Variants in ADGRL2 observed in about 807,000 individuals in gnomAD.
ADGRL2 encodes the protein adhesion G protein-coupled receptor L2, also known as calcium-independent alpha-latrotoxin receptor 2.
A neutral mutation model predicts 157.4 loss-of-function variants in ADGRL2; 44 were observed. The observed-to-expected ratio is 0.28, with a 90% CI of 0.22 to 0.36. The LOEUF (loss-of-function observed/expected upper bound fraction) is 0.36. Ranked by LOEUF, ADGRL2 falls within the 10% of genes least tolerant of loss-of-function variation. ADGRL2 has a pLI of 1.00. For missense variants in ADGRL2, 1,510 were observed against 1,768.9 expected (o/e 0.85, Z 2.63); for synonymous variants, 585 against 624.7 (o/e 0.94, Z 0.95).
At chr1:81,896,496 C>T (rs1282719783) in intron 2 of ADGRL2, among the ~76,000 whole-genome samples, 6 of 151,976 alleles carry the variant, frequency 3.9e-5, no homozygotes, top group African/African-American at 9.7e-5. Context: ...TATTCTTTAT[C>T]TCTTGATATC....
intron 2 of ADGRL2, among the ~76,000 whole-genome samples, chr1:81,561,860 C>A (rs2080450787): frequency 6.6e-6 from 1 of 152,052 alleles, no homozygotes; most frequent in South Asian, 2.1e-4. Context: ...CTAAAATGAG[C>A]AAAGAACAAA....
chr1:81,611,958 G>A (rs1450789713), intron 3 of ADGRL2, among the ~76,000 whole-genome samples: 1 of 152,050 alleles, frequency 6.6e-6, no homozygotes, highest in Non-Finnish European at 1.5e-5. Flanking sequence ...TCTCTTGTCT[G>A]CTGCCATATA....
chr1:81,459,798 ATATG>A (rs1218908854), intron 2 of ADGRL2, among the ~76,000 whole-genome samples: 17 of 130,134 alleles, frequency 1.3e-4, no homozygotes, highest in East Asian at 4.6e-4. Flanking sequence ...GTATATATAT[ATATG>A]TATGTGTTTG....
At chr1:81,722,047 C>T in intron 1 of ADGRL2, 1 of 408,224 alleles carries the variant, frequency 2.4e-6, no homozygotes, top group South Asian at 2.0e-5. Context: ...TATCGCAGCA[C>T]TTTGGGAGGC....
chr1:81,773,614 GA>G (rs2086462233), intron 2 of ADGRL2, among the ~76,000 whole-genome samples: 1 of 152,102 alleles, frequency 6.6e-6, no homozygotes, highest in Non-Finnish European at 1.5e-5. Flanking sequence ...GCCCTTCCTG[GA>G]TATAATATTA....
chr1:81,831,425 T>G (rs2091937085), intron 1 of ADGRL2, among the ~76,000 whole-genome samples: 1 of 152,188 alleles, frequency 6.6e-6, no homozygotes, highest in African/African-American at 2.4e-5. Context: ...TGGTGTTTCC[T>G]CACTTTTGTA....
chr1:81,762,240 C>T (rs1054676536), intron 2 of ADGRL2, among the ~76,000 whole-genome samples: 3 of 152,038 alleles, frequency 2.0e-5, no homozygotes, highest in Non-Finnish European at 2.9e-5. Flanking sequence ...TGGTAAGAGT[C>T]CTTTGGAATT....
At chr1:81,351,765 T>G (rs2100837914) in intron 1 of ADGRL2, among the ~76,000 whole-genome samples, 1 of 152,334 alleles carries the variant, frequency 6.6e-6, no homozygotes, top group East Asian at 1.9e-4. Context: ...GCATTCCTGT[T>G]AGCGACTGTA....
At chr1:81,620,236 G>C (rs1336221085) in intron 3 of ADGRL2, among the ~76,000 whole-genome samples, 2 of 152,124 alleles carry the variant, frequency 1.3e-5, no homozygotes, top group Non-Finnish European at 2.9e-5. Context: ...CATGGGTACA[G>C]TAGGTACATC....
chr1:81,419,542 T>G (rs1463022624), intron 1 of ADGRL2, among the ~76,000 whole-genome samples: 1 of 152,202 alleles, frequency 6.6e-6, no homozygotes, highest in Admixed American at 6.5e-5. Flanking sequence ...AGTTGCCTAA[T>G]TATAAATATT....
chr1:81,878,972 A>C (rs1377019824), intron 2 of ADGRL2, among the ~76,000 whole-genome samples: 3 of 152,222 alleles, frequency 2.0e-5, no homozygotes, highest in Non-Finnish European at 4.4e-5. Context: ...ACTTCCCCCA[A>C]AACATTTAAA....
chr1:81,943,271 T>C lies in ADGRL2; in HGVS notation c.712T>C (p.Leu238=), dbSNP rs773817244. ...ERTRNIVKFD[L]RTRIKSGEAI... ...AACGAGGAATATTGTGAAATTTGACTTGAGGACTAGAATTAAGAGTGGCGA... is the reference window on the plus strand; with the variant it reads ...AACGAGGAATATTGTGAAATTTGACCTGAGGACTAGAATTAAGAGTGGCGA... Residue 238 remains leucine (L), a synonymous_variant, in exon 6 of 24, where the codon TTG becomes CTG. Transcript: ENST00000686636. The surrounding 1 kb of genome is among the most constrained non-coding windows in gnomAD (Gnocchi z 5.6). The C allele has an allele frequency of 1.2e-5, 20 of 1,613,548 alleles. No individual in the cohort carries two copies. Among genetic ancestry groups the C allele is most frequent in the African/African-American group, 4.0e-5 (3 of 74,886 alleles).
chr1:81,545,312 A>C (rs1258855247), intron 2 of ADGRL2, among the ~76,000 whole-genome samples: 1 of 147,120 alleles, frequency 6.8e-6, no homozygotes, highest in Non-Finnish European at 1.5e-5. Context: ...TTTGAGACTG[A>C]TTCTCACTCT....
rs1044708088 is a variant in ADGRL2 at position 81,658,480 on chromosome 1, T to C, written c.-143+77500T>C. Among the ~76,000 whole-genome samples, 3 of 152,304 alleles carry C rather than the reference T, an allele frequency of 2.0e-5. No individual in the cohort carries two copies. The East Asian group carries it at 5.8e-4, about 29-fold the overall frequency. ...TTTGTTACACAGATATGTTACACAG[T>C]GATGAAATCTGGGCTTTAGGCATAC... is the stretch of plus-strand genomic sequence containing the variant. On this transcript the variant is annotated intron_variant, in intron 3 of 24. Coordinates refer to the ADGRL2 transcript ENST00000370721.
intron 1 of ADGRL2, among the ~76,000 whole-genome samples, chr1:81,730,489 G>A (rs1180777595): frequency 6.6e-6 from 1 of 152,150 alleles, no homozygotes; most frequent in Non-Finnish European, 1.5e-5. Flanking sequence ...TAGGGAGGCC[G>A]AGGTGAGTGG....
intron 1 of ADGRL2, among the ~76,000 whole-genome samples, chr1:81,388,707 C>T (rs149779717): frequency 1.6e-4 from 25 of 152,064 alleles, no homozygotes; most frequent in African/African-American, 5.6e-4. Flanking sequence ...ATCGGATCTG[C>T]GGGTACCTTG....
chr1:81,972,921 A>AAAC (rs986298173), intron 17 of ADGRL2, among the ~76,000 whole-genome samples: 1 of 135,662 alleles, frequency 7.4e-6, no homozygotes, highest in Admixed American at 7.5e-5. Context: ...TAAAAAAAAA[A>AAAC]AAAAAACTTG....
intron 2 of ADGRL2, among the ~76,000 whole-genome samples, chr1:81,556,245 C>T (rs2080274098): frequency 6.6e-6 from 1 of 151,398 alleles, no homozygotes. Flanking sequence ...CTACACACCA[C>T]TGAGGGGTAA....
intron 1 of ADGRL2, among the ~76,000 whole-genome samples, chr1:81,708,627 C>T (rs565510163): frequency 6.9e-6 from 1 of 145,336 alleles, no homozygotes; most frequent in African/African-American, 2.6e-5. Flanking sequence ...CTATTGTTTG[C>T]ATTAAAATTT....
Sources: allele counts gnomAD v4.1 joint callset (sites outside exome capture counted in the v4.1 genomes callset), GRCh38; gene constraint gnomAD v4.1.1; non-coding constraint Gnocchi (gnomAD v3.1); transcripts MANE v1.5; gene names NCBI Gene and HGNC (gene_info 2026-07-23, HGNC 2026-07-21).